The following ITSN1 variants were observed in gnomAD, a reference collection of about 807,000 sequenced individuals.
ITSN1 encodes the protein intersectin-1.
ITSN1 carries 58 observed loss-of-function variants against 239.8 expected under a neutral mutation model. That is an observed-to-expected ratio of 0.24 (90% CI 0.20 to 0.30). The LOEUF is 0.30. Ranked by LOEUF, ITSN1 falls within the 10% of genes least tolerant of loss-of-function variation. ITSN1 has a pLI of 1.00. For missense variants in ITSN1, 1,558 were observed against 2,103.3 expected, an observed-to-expected ratio of 0.74 and a Z score of 5.07; for synonymous variants, 780 against 770.8, an observed-to-expected ratio of 1.01 and a Z score of -0.20.
chr21:33,809,516 CA>C (rs954784564), intron 20 of ITSN1, among the ~76,000 whole-genome samples: 3 of 152,200 alleles, frequency 2.0e-5, no homozygotes, highest in African/African-American at 7.2e-5. Context: ...CCACTGAGTA[CA>C]TACAGATAGA....
At chr21:33,809,699 G>A (rs1300342886) in intron 20 of ITSN1, among the ~76,000 whole-genome samples, 4 of 152,158 alleles carry the variant, frequency 2.6e-5, no homozygotes, top group African/African-American at 9.7e-5. Context: ...CCAGTGAAGT[G>A]TTTGATGTTT....
chr21:33,749,987 T>C, intron 5 of ITSN1, 156 bp from the exon 6 acceptor site: 1 of 681,924 alleles, frequency 1.5e-6, no homozygotes, highest in South Asian at 1.9e-5. Context: ...TGACATAATT[T>C]TTGTTACTCT....
In ITSN1 at chr21:33,837,529, C is replaced by G. The variant is rs906151568; in HGVS notation, c.3661+897C>G. ...AAATTGTGCAGTTTGGGGCTTTTCC[C>G]CCTTACCATAGAAGTGCAGAGGAGT... On this transcript the variant is annotated intron_variant, in intron 29 of 39. Transcript: ENST00000381318. 3 of 985,736 alleles carry G rather than the reference C, an allele frequency of 3.0e-6. No individual in the cohort carries two copies. The African/African-American group carries it at 5.2e-5, about 17-fold the overall frequency. 61.1% of individuals were successfully genotyped at this position (985,736 alleles called of 1,614,324 possible). A position where few individuals can be genotyped will look rare whatever the true frequency, so the allele number is the denominator to read the frequency against.
intron 4 of ITSN1, among the ~76,000 whole-genome samples, chr21:33,727,713 G>A (rs1403415953): frequency 6.6e-6 from 1 of 151,098 alleles, no homozygotes; most frequent in Non-Finnish European, 1.5e-5. Context: ...GTTGAACTAA[G>A]ATGACATCTT....
At chr21:33,663,740 T>C (rs2089726096) in intron 1 of ITSN1, among the ~76,000 whole-genome samples, 1 of 152,180 alleles carries the variant, frequency 6.6e-6, no homozygotes, top group Non-Finnish European at 1.5e-5. Context: ...GTAGCTGGGA[T>C]TGCAGGCATG....
intron 32 of ITSN1, among the ~76,000 whole-genome samples, chr21:33,866,311 C>T (rs966901494): frequency 3.9e-5 from 6 of 152,168 alleles, no homozygotes; most frequent in African/African-American, 1.2e-4. Flanking sequence ...AGAAGGAGGC[C>T]TTGGGTGGAT....
At chr21:33,780,841 A>G (rs2070112945) in intron 14 of ITSN1, among the ~76,000 whole-genome samples, 1 of 152,236 alleles carries the variant, frequency 6.6e-6, no homozygotes, top group Admixed American at 6.5e-5. Context: ...AAAATTCCAA[A>G]CAGCCTGTGC....
Position 33,782,022 on chromosome 21 carries a change from C to G in ITSN1, c.1713C>G (p.Ala571=). 4 of 1,612,400 alleles carry G rather than the reference C, an allele frequency of 2.5e-6. No homozygotes were observed. The highest frequency in any genetic ancestry group is 3.4e-6 in the Non-Finnish European group (4 of 1,179,576). The change falls in exon 16 of 40, where the codon GCC becomes GCG. Residue 571 remains alanine (A), a synonymous_variant. Coordinates refer to ENST00000381318, the MANE Select transcript of ITSN1 (RefSeq NM_003024.3). ...ATTCACTTGTTACACTTAAAAGAGC[C>G]TTAGAAGCAAAAGAACTAGCTCGGC... The part of the protein sequence containing the change: ...HRDSLVTLKR[A]LEAKELARQH...
At chr21:33,868,289 C>T (rs1352191748) in intron 33 of ITSN1, among the ~76,000 whole-genome samples, 2 of 152,256 alleles carry the variant, frequency 1.3e-5, no homozygotes, top group Non-Finnish European at 2.9e-5. Flanking sequence ...GCAGCTGGAG[C>T]TGCCTGCCAG....
At chr21:33,702,296 T>C (rs1231389473) in intron 1 of ITSN1, among the ~76,000 whole-genome samples, 5 of 151,888 alleles carry the variant, frequency 3.3e-5, no homozygotes, top group Non-Finnish European at 5.9e-5. Flanking sequence ...TTTATATTTT[T>C]AGTAGAGATG....
intron 20 of ITSN1, among the ~76,000 whole-genome samples, chr21:33,805,273 C>T (rs993001333): frequency 6.6e-6 from 1 of 152,230 alleles, no homozygotes; most frequent in East Asian, 1.9e-4. Flanking sequence ...ATTAGCCAGT[C>T]AGTTCATTCT....
chr21:33,859,110 G>A (rs1368958730), intron 31 of ITSN1, among the ~76,000 whole-genome samples: 2 of 152,196 alleles, frequency 1.3e-5, no homozygotes, highest in East Asian at 1.9e-4. Flanking sequence ...ATGCTGGGGC[G>A]TGGGGCTGCC....
intron 24 of ITSN1, 21 bp from the exon 25 acceptor site, chr21:33,823,466 C>T (rs376619894): frequency 1.2e-6 from 2 of 1,606,470 alleles, no homozygotes; most frequent in Non-Finnish European, 1.7e-6. Flanking sequence ...CTCTCCGTAT[C>T]TCAATATTTC....
At chr21:33,647,402 C>T (rs1285245492) in intron 1 of ITSN1, among the ~76,000 whole-genome samples, 1 of 151,860 alleles carries the variant, frequency 6.6e-6, no homozygotes, top group Non-Finnish European at 1.5e-5. Context: ...TGCTTAACAT[C>T]TTGTCATGAG....
At chr21:33,861,072 C>T (rs1250198065) in intron 31 of ITSN1, among the ~76,000 whole-genome samples, 3 of 152,160 alleles carry the variant, frequency 2.0e-5, no homozygotes, top group Non-Finnish European at 2.9e-5. Flanking sequence ...TATGTTGAAC[C>T]GTAGCCTTCT....
intron 5 of ITSN1, among the ~76,000 whole-genome samples, chr21:33,746,022 T>A (rs1345797930): frequency 1.3e-5 from 2 of 152,214 alleles, no homozygotes; most frequent in Non-Finnish European, 2.9e-5. Flanking sequence ...TTGAGGTGTT[T>A]GAGCACAACT....
In ITSN1 at chr21:33,767,730, G is replaced by T. The variant is rs1203759115; in HGVS notation, c.944G>T (p.Ser315Ile). ...PPSFRRVRSGSGISVISSTSV... is the reference protein window; with the variant it reads ...PPSFRRVRSGIGISVISSTSV... ...AATTGCAGAAGAGTTCGATCTGGCAGTGGTATATCTGTCATAAGCTCAACA... is the reference window on the plus strand; with the variant it reads ...AATTGCAGAAGAGTTCGATCTGGCATTGGTATATCTGTCATAAGCTCAACA... Residue 315 changes from serine to isoleucine, a missense_variant, in exon 11 of 40, where the codon AGT becomes ATT. Around this residue, in one of 2 missense-constraint regions of ITSN1, gnomAD observed 982 missense variants for 1,209.9 expected, o/e 0.81. Coordinates refer to ENST00000381318, the MANE Select transcript of ITSN1 (RefSeq NM_003024.3). The T allele has an allele frequency of 6.2e-7, 1 of 1,607,830 alleles. No homozygotes were observed. Among genetic ancestry groups the T allele is most frequent in the Non-Finnish European group, 8.5e-7 (1 of 1,176,218 alleles).
Position 33,865,899 on chromosome 21 carries a change from C to T in ITSN1, c.4074+565C>T, listed in dbSNP as rs1017046492. Among the ~76,000 whole-genome samples, 5 of 152,116 alleles carry T rather than the reference C, an allele frequency of 3.3e-5. No homozygotes were observed. The highest frequency in any genetic ancestry group is 9.7e-5 in the African/African-American group (4 of 41,418). Reference sequence around the variant, plus strand: ...CCAGGGGATGTTTGGGGAGGTAATGCGGATACTGCTGGAAGACCTGCAGCT... The same window carrying T: ...CCAGGGGATGTTTGGGGAGGTAATGTGGATACTGCTGGAAGACCTGCAGCT... On this transcript the variant is annotated intron_variant, in intron 32 of 39. Coordinates refer to ENST00000381318, the MANE Select transcript of ITSN1 (RefSeq NM_003024.3). This position sits in a 1 kb window ranked among gnomAD's most constrained non-coding sequence, Gnocchi z 4.4.
rs1344694542 is a variant in ITSN1, at chr21:33,797,678, CT to C, written c.2182+71del. ...TCCCAGAGCCTCCTGAAAAATGCCC[CT>C]ATCTCATCAGTACCTGTCTTGGCTA... On this transcript the variant is annotated intron_variant, in intron 18 of 39. Transcript: ENST00000381318. This position sits in a 1 kb window ranked among gnomAD's most constrained non-coding sequence, Gnocchi z 4.9. 8.0e-7 allele frequency: 1 copy of C among 1,243,554 alleles called. No homozygotes were observed. The highest frequency in any genetic ancestry group is 1.2e-6 in the Non-Finnish European group (1 of 866,620). The allele number at this position is 1,243,554 out of a possible 1,614,324, so 77.0% of individuals were successfully genotyped here.
Sources: gnomAD v4.1 joint callset for allele counts (sites outside exome capture counted in the v4.1 genomes callset) on GRCh38, gnomAD v4.1.1 for gene constraint, gnomAD v4.1.1 regional missense constraint, Gnocchi (gnomAD v3.1) non-coding constraint, MANE v1.5 for transcripts, NCBI Gene and HGNC (gene_info 2026-07-23, HGNC 2026-07-21) for gene names.